The following EXOSC7 variants were observed in gnomAD, a reference collection of about 807,000 sequenced individuals.
The protein encoded by EXOSC7 is exosome complex component RRP42.
EXOSC7 carries 25 observed loss-of-function variants against 34.3 expected under a neutral mutation model. The observed-to-expected ratio is 0.73, with a 90% confidence interval of 0.53 to 1.02. The LOEUF is 1.02. Among genes scored for constraint, EXOSC7 ranks in the 50% least tolerant of loss-of-function variants. EXOSC7 has a pLI of 0.00. For missense variants in EXOSC7, 370 were observed against 368.5 expected (o/e 1.00, Z -0.03); for synonymous variants, 130 against 143.0 (o/e 0.91, Z 0.65).
chr3:44,977,255 GTCC>G (rs1243912805), intron 1 of EXOSC7: 1 of 152,246 alleles, frequency 6.6e-6, no homozygotes, highest in Non-Finnish European at 1.5e-5. Flanking sequence ...CTACGGTGTG[GTCC>G]TCCTATCAGA....
intron 1 of EXOSC7, among the ~76,000 whole-genome samples, chr3:44,983,590 A>G (rs921739085): frequency 6.6e-6 from 1 of 152,204 alleles, no homozygotes; most frequent in Non-Finnish European, 1.5e-5. Flanking sequence ...AAAGTCACCA[A>G]GAGCTTTCCT....
rs773087468 is a variant in EXOSC7 at position 45,007,490 on chromosome 3, C to A, written c.686C>A (p.Ser229Ter). The change falls in exon 7 of 8, where the codon TCG (serine) becomes TAG (stop). Residue 229 changes from serine (S) to a stop codon, truncating the protein, a stop_gained. Coordinates refer to ENST00000265564, the MANE Select transcript of EXOSC7 (RefSeq NM_015004.4). LOFTEE classifies it high-confidence loss of function. ...TGCTCGCTGGCCAGCTTGCTGGTGT[C>A]GGTGACCAGCAAGGGAGTTGTGACG... The part of the protein sequence containing the change: ...EACSLASLLV[S>*]VTSKGVVTCM... 1 of 1,614,102 alleles carries A rather than the reference C, an allele frequency of 6.2e-7. No homozygotes were observed. The highest frequency in any genetic ancestry group is 1.1e-5 in the South Asian group (1 of 91,070).
intron 4 of EXOSC7, among the ~76,000 whole-genome samples, chr3:45,001,240 G>C (rs1181286760): frequency 6.6e-6 from 1 of 151,926 alleles, no homozygotes; most frequent in East Asian, 1.9e-4. Context: ...ATCACTTTTG[G>C]TCAGGAGTTC....
chr3:44,982,735 G>A (rs920902420), intron 1 of EXOSC7, among the ~76,000 whole-genome samples: 1 of 152,206 alleles, frequency 6.6e-6, no homozygotes, highest in African/African-American at 2.4e-5. Context: ...CAGGACTCTT[G>A]ATTTTTAGCT....
At chr3:44,997,558 C>T (rs1706756090) in intron 4 of EXOSC7, among the ~76,000 whole-genome samples, 1 of 152,174 alleles carries the variant, frequency 6.6e-6, no homozygotes, top group Admixed American at 6.5e-5. Context: ...TGGTGCCAGA[C>T]AGAGTTCATG....
At position 44,982,127 on chromosome 3, in the gene EXOSC7, T is replaced by G. The variant is rs187496515; in HGVS notation, c.57+5793T>G. ...CTGCCTCTGCCCAATACCTTTACTT[T>G]CGTGTGGCCTCTCTGGGCTCCTCCA... is the stretch of plus-strand genomic sequence containing the variant. On this transcript the variant is annotated intron_variant, in intron 1 of 7. Transcript: ENST00000265564. Among the ~76,000 whole-genome samples the G allele has an allele frequency of 2.4e-4, 37 of 152,340 alleles. No individual in the cohort carries two copies. The East Asian group carries it at 5.8e-3, about 24-fold the overall frequency.
Position 44,999,655 on chromosome 3 carries a change from C to T in EXOSC7, c.421-1883C>T, listed in dbSNP as rs145192105. On this transcript the variant is annotated intron_variant, in intron 4 of 7. Coordinates refer to ENST00000265564, the MANE Select transcript of EXOSC7 (RefSeq NM_015004.4). The stretch of plus-strand genomic sequence containing the variant: ...AGTGAGCCGAGATGGTGCCACTGCA[C>T]TCCATCCTGGGCAACAGAGTGAGAA... Among the ~76,000 whole-genome samples, 229 of 152,000 alleles carry T rather than the reference C, an allele frequency of 1.5e-3. 1 individual carries two copies. Among genetic ancestry groups the T allele is most frequent in the African/African-American group, 5.3e-3 (219 of 41,460 alleles).
chr3:44,994,514 T>C (rs1029263156), intron 3 of EXOSC7, among the ~76,000 whole-genome samples: 1 of 152,174 alleles, frequency 6.6e-6, no homozygotes, highest in African/African-American at 2.4e-5. Context: ...GTTTTTATCC[T>C]CTGGAGATGG....
intron 7 of EXOSC7, 31 bp from the exon 8 acceptor site, chr3:45,011,204 G>C: frequency 7.3e-7 from 1 of 1,364,434 alleles, no homozygotes; most frequent in Non-Finnish European, 1.0e-6. Context: ...TTACAAGGGG[G>C]TGTGTGCTCT....
chr3:44,998,034 T>TC (rs1706771704), intron 4 of EXOSC7, among the ~76,000 whole-genome samples: 1 of 151,036 alleles, frequency 6.6e-6, no homozygotes, highest in Non-Finnish European at 1.5e-5. Context: ...TTTTTTTGTT[T>TC]TTTTGTTTTT....
chr3:44,976,882 C>A (rs1180239131), intron 1 of EXOSC7, among the ~76,000 whole-genome samples: 1 of 152,184 alleles, frequency 6.6e-6, no homozygotes, highest in Non-Finnish European at 1.5e-5. Flanking sequence ...AAGAGACCGT[C>A]CTGACCAACA....
At chr3:44,990,610 A>G (rs985659253) in intron 3 of EXOSC7, among the ~76,000 whole-genome samples, 1 of 152,182 alleles carries the variant, frequency 6.6e-6, no homozygotes, top group African/African-American at 2.4e-5. Flanking sequence ...ACTCACAGCT[A>G]AGGTTTATTA....
chr3:44,979,439 G>A (rs1272545153), intron 1 of EXOSC7, among the ~76,000 whole-genome samples: 1 of 152,158 alleles, frequency 6.6e-6, no homozygotes, highest in Non-Finnish European at 1.5e-5. Flanking sequence ...ATTTCATCTT[G>A]TTTTGGTGAT....
intron 1 of EXOSC7, among the ~76,000 whole-genome samples, chr3:44,982,957 C>T (rs1012850858): frequency 3.3e-5 from 5 of 152,120 alleles, no homozygotes; most frequent in Non-Finnish European, 5.9e-5. Flanking sequence ...TTCCTAAGGG[C>T]GGGGGGCAGT....
intron 4 of EXOSC7, among the ~76,000 whole-genome samples, chr3:44,999,264 A>G (rs1213805845): frequency 1.3e-5 from 2 of 152,234 alleles, no homozygotes; most frequent in Non-Finnish European, 2.9e-5. Flanking sequence ...AGGAATATCC[A>G]GGGGAATGTG....
At position 44,976,329 on chromosome 3, in the gene EXOSC7, G is replaced by A. The variant is rs1449061982; in HGVS notation, c.52G>A (p.Val18Ile). ...EAEKVYIVHGVQEDLRVDGRG... is the reference protein window; with the variant it reads ...EAEKVYIVHGIQEDLRVDGRG... The stretch of plus-strand genomic sequence containing the variant: ...GGAGAAGGTGTACATCGTGCATGGC[G>A]TCCAGGTAGCTACAGCAGCGGCGTT... The change falls in exon 1 of 8, where the codon GTC becomes ATC. Residue 18 changes from valine (V) to isoleucine (I), a missense_variant. Val to Ile is a conservative substitution (Grantham distance 29). Coordinates refer to ENST00000265564, the MANE Select transcript of EXOSC7 (RefSeq NM_015004.4). 1.9e-6 allele frequency: 3 copies of A among 1,570,310 alleles called. No homozygotes were observed. Among genetic ancestry groups the A allele is most frequent in the East Asian group, 2.5e-5 (1 of 39,478 alleles).
chr3:45,005,474 A>C, intron 6 of EXOSC7, 60 bp downstream of exon 6: 1 of 1,553,364 alleles, frequency 6.4e-7, no homozygotes, highest in Non-Finnish European at 8.8e-7. Flanking sequence ...CTCTAATCCC[A>C]ACCTGCTGAG....
At chr3:44,989,068 A>G (rs997413647) in intron 1 of EXOSC7, 72 bp from the exon 2 acceptor site, 4 of 1,003,314 alleles carry the variant, frequency 4.0e-6, no homozygotes, top group South Asian at 2.7e-5. Flanking sequence ...CTCTAGGGGG[A>G]AAATGGGTGA....
intron 2 of EXOSC7, 99 bp from the exon 3 acceptor site, chr3:44,989,451 A>G (rs1184512200): frequency 9.7e-7 from 1 of 1,035,810 alleles, no homozygotes; most frequent in Non-Finnish European, 1.5e-6. Context: ...CACTGCTCCT[A>G]AAAGAGTCCC....
Sources: allele counts gnomAD v4.1 joint callset (sites outside exome capture counted in the v4.1 genomes callset), GRCh38; gene constraint gnomAD v4.1.1; transcripts MANE v1.5; gene names NCBI Gene and HGNC (gene_info 2026-07-23, HGNC 2026-07-21).